PHTF2: variants seen among roughly 807,000 people sequenced by gnomAD.
PHTF2 encodes the protein protein PHTF2.
Under a neutral mutation model 101.2 loss-of-function variants are expected in PHTF2, and 60 were observed. The ratio of observed to expected loss-of-function variants is 0.59; its 90% CI spans 0.48 to 0.73. The LOEUF is 0.73. PHTF2 is among the 30% of genes least tolerant of loss of function. The probability of loss-of-function intolerance (pLI) is 0.00; values close to 1 mark genes in which losing one functional copy is unlikely to be tolerated. For synonymous variants in PHTF2, 311 were observed against 307.3 expected (o/e 1.01, Z -0.13); for missense variants, 747 against 908.7 (o/e 0.82, Z 2.29).
At chr7:77,841,985 T>C (rs903473155) in intron 2 of PHTF2, among the ~76,000 whole-genome samples, 4 of 152,162 alleles carry the variant, frequency 2.6e-5, no homozygotes, top group African/African-American at 9.7e-5. Context: ...TTATAGAACA[T>C]ACTTGATTGA....
chr7:77,922,602 C>G (rs764019315), intron 10 of PHTF2, 21 bp from the exon 10 acceptor site: 7 of 1,588,248 alleles, frequency 4.4e-6, no homozygotes, highest in Non-Finnish European at 6.0e-6. Context: ...CTATAATCCT[C>G]TTTGTGTACT....
chr7:77,938,634 G>A lies in PHTF2; in HGVS notation c.1467+796G>A, dbSNP rs372554245. ...CTACTAAAAATACAAAAAATTAGCC[G>A]GGCGTGGTGGCGGGCGCCTGTAGTC... On this transcript the variant is annotated intron_variant, in intron 13 of 19. Transcript: ENST00000416283. 6.2e-4 allele frequency among the ~76,000 whole-genome samples: 94 copies of A among 152,060 alleles called. 1 individual carries two copies. Among genetic ancestry groups the A allele is most frequent in the South Asian group, 4.2e-3 (20 of 4,810 alleles).
chr7:77,883,137 C>T (rs937256353), intron 3 of PHTF2, among the ~76,000 whole-genome samples: 1 of 151,632 alleles, frequency 6.6e-6, no homozygotes, highest in Non-Finnish European at 1.5e-5. Flanking sequence ...CAAATTTGTT[C>T]GAGAAGTAGT....
At chr7:77,892,865 T>G (rs1800554860) in intron 3 of PHTF2, among the ~76,000 whole-genome samples, 1 of 152,240 alleles carries the variant, frequency 6.6e-6, no homozygotes. Context: ...TTTCACAACT[T>G]TGTTTTCCAA....
chr7:77,870,849 A>G (rs558741978), intron 3 of PHTF2, among the ~76,000 whole-genome samples: 3 of 152,334 alleles, frequency 2.0e-5, no homozygotes, highest in South Asian at 2.1e-4. Flanking sequence ...TCCAAATACT[A>G]TTACATAAAG....
intron 1 of PHTF2, among the ~76,000 whole-genome samples, chr7:77,825,413 G>C (rs1006189067): frequency 6.6e-6 from 1 of 152,136 alleles, no homozygotes; most frequent in Non-Finnish European, 1.5e-5. Flanking sequence ...AAAAATCCTT[G>C]AGAAGACCCT....
intron 1 of PHTF2, among the ~76,000 whole-genome samples, chr7:77,803,832 A>C (rs1456466793): frequency 6.6e-6 from 1 of 152,160 alleles, no homozygotes; most frequent in Non-Finnish European, 1.5e-5. Flanking sequence ...GGCAGAGTTG[A>C]ATAATCATTT....
chr7:77,854,919 C>T, intron 3 of PHTF2: 1 of 651,500 alleles, frequency 1.5e-6, no homozygotes, highest in Non-Finnish European at 2.8e-6. Context: ...CTGACCAGGA[C>T]CCAAGGCCTG....
intron 16 of PHTF2, among the ~76,000 whole-genome samples, chr7:77,946,889 AGGT>A (rs1381767882): frequency 6.6e-6 from 1 of 151,570 alleles, no homozygotes; most frequent in African/African-American, 2.4e-5. Context: ...TGGAAGGCCA[AGGT>A]GGATGGATCC....
exon 20 of PHTF2, chr7:77,957,204 A>C (rs1807033734): frequency 6.6e-6 from 1 of 152,090 alleles, no homozygotes; most frequent in East Asian, 1.9e-4. Context: ...AGTAAGTTTA[A>C]AATAAAACAT....
chr7:77,861,844 G>A (rs1049156718), intron 3 of PHTF2, among the ~76,000 whole-genome samples: 1 of 152,134 alleles, frequency 6.6e-6, no homozygotes, highest in Non-Finnish European at 1.5e-5. Context: ...CATCACCTGA[G>A]GTTGAGAGTT....
At chr7:77,840,483 T>A (rs1795784448) in intron 2 of PHTF2, among the ~76,000 whole-genome samples, 183 bp downstream of exon 2, 2 of 152,200 alleles carry the variant, frequency 1.3e-5, no homozygotes, top group Non-Finnish European at 2.9e-5. Context: ...TTCTCTACTT[T>A]TTACTCTACA....
At chr7:77,879,353 C>T (rs1056348585) in intron 3 of PHTF2, among the ~76,000 whole-genome samples, 1 of 152,132 alleles carries the variant, frequency 6.6e-6, no homozygotes, top group Non-Finnish European at 1.5e-5. Context: ...ATGGCTGCTG[C>T]TGCTTCTCAT....
chr7:77,863,840 G>C (rs1797844378), intron 3 of PHTF2, among the ~76,000 whole-genome samples: 1 of 147,634 alleles, frequency 6.8e-6, no homozygotes, highest in Non-Finnish European at 1.5e-5. Flanking sequence ...AAGCTGGAGT[G>C]CAGTGGCACG....
intron 3 of PHTF2, among the ~76,000 whole-genome samples, chr7:77,887,449 C>G (rs1164328740): frequency 1.3e-5 from 2 of 151,302 alleles, no homozygotes; most frequent in Non-Finnish European, 2.9e-5. Flanking sequence ...TCAGTTTTGA[C>G]CTCTGTAATG....
At chr7:77,835,009 A>G (rs770815499) in intron 1 of PHTF2, among the ~76,000 whole-genome samples, 1 of 152,230 alleles carries the variant, frequency 6.6e-6, no homozygotes, top group Non-Finnish European at 1.5e-5. Flanking sequence ...GCGGTGGCTC[A>G]TGCCTGTAAT....
intron 13 of PHTF2, chr7:77,938,073 AT>A (rs1402927345): frequency 5.2e-6 from 1 of 191,280 alleles, no homozygotes; most frequent in Non-Finnish European, 1.1e-5. Context: ...ACGGTCTATA[AT>A]TTTTCTCTTT....
At chr7:77,900,521 C>A (rs1801295027) in intron 5 of PHTF2, 190 bp from the exon 5 acceptor site, 1 of 537,146 alleles carries the variant, frequency 1.9e-6, no homozygotes, top group South Asian at 2.0e-5. Context: ...CTAAATATAT[C>A]TTTTTGAACA....
chr7:77,908,976 G>A lies in PHTF2; in HGVS notation c.611+18G>A, dbSNP rs977668899. 1.9e-6 allele frequency: 3 copies of A among 1,540,408 alleles called. No homozygotes were observed. The African/African-American group carries it at 4.2e-5, about 21-fold the overall frequency. ...AGAAGAAGGTACTGTTTTTTAAAAA[G>A]TAATCTTTTTGTACATTTATGTAAT... On this transcript the variant is annotated intron_variant, in intron 8 of 19. Transcript: ENST00000416283.
Sources: allele counts gnomAD v4.1 joint callset (sites outside exome capture counted in the v4.1 genomes callset), GRCh38; gene constraint gnomAD v4.1.1; transcripts MANE v1.5; gene names NCBI Gene and HGNC (gene_info 2026-07-23, HGNC 2026-07-21).